Variants in UGGT1 observed in about 807,000 individuals in gnomAD.
UGGT1 encodes the protein UDP-glucose:glycoprotein glucosyltransferase 1.
UGGT1 carries 107 observed loss-of-function variants against 203.9 expected under a neutral mutation model. The observed-to-expected ratio is 0.52, with a 90% CI of 0.45 to 0.62. The LOEUF (loss-of-function observed/expected upper bound fraction) is 0.62. Among genes scored for constraint, UGGT1 ranks in the 20% least tolerant of loss-of-function variants. The pLI is 0.00. For missense variants in UGGT1, 1,673 were observed against 1,867.2 expected (o/e 0.90, Z 1.92); for synonymous variants, 628 against 653.5 (o/e 0.96, Z 0.59).
rs73957648 is a variant in UGGT1, at chr2:128,094,376, A to G, written c.58+2961A>G. Among the ~76,000 whole-genome samples the G allele has an allele frequency of 5.1e-3, 778 of 152,290 alleles. 11 individuals are homozygous for G. Among genetic ancestry groups the G allele is most frequent in the African/African-American group, 0.017 (688 of 41,556 alleles). The stretch of plus-strand genomic sequence containing the variant: ...ACGATGATGTACTATTCTGTAATTT[A>G]GAAGATAGTTTTTTCTTACGATAAA... On this transcript the variant is annotated intron_variant, in intron 1 of 40. Coordinates refer to ENST00000259253, the MANE Select transcript of UGGT1 (RefSeq NM_020120.4).
intron 14 of UGGT1, 120 bp from the exon 15 acceptor site, chr2:128,134,756 G>A (rs1689050871): frequency 2.6e-6 from 2 of 759,226 alleles, no homozygotes; most frequent in Non-Finnish European, 4.4e-6. Flanking sequence ...CATCTTTTAT[G>A]TGGTTCAAGC....
chr2:128,131,465 AC>A (rs1042272167), intron 13 of UGGT1, among the ~76,000 whole-genome samples: 12 of 151,804 alleles, frequency 7.9e-5, no homozygotes, highest in Non-Finnish European at 1.8e-4. Context: ...AGCCTCCTGA[AC>A]AATTGCTCTT....
At chr2:128,160,623 G>C (rs1449794979) in intron 24 of UGGT1, 32 bp downstream of exon 24, 9 of 1,593,236 alleles carry the variant, frequency 5.6e-6, no homozygotes, top group Non-Finnish European at 7.7e-6. Flanking sequence ...CTTCACATTA[G>C]ATCCGTGAAC....
At chr2:128,171,869 G>A (rs1691124159) in intron 28 of UGGT1, among the ~76,000 whole-genome samples, 1 of 152,098 alleles carries the variant, frequency 6.6e-6, no homozygotes, top group African/African-American at 2.4e-5. Context: ...ACATGTTAGA[G>A]GAAGCTTGCT....
intron 26 of UGGT1, among the ~76,000 whole-genome samples, chr2:128,169,563 ACT>A (rs1412983702): frequency 1.3e-5 from 2 of 152,234 alleles, no homozygotes; most frequent in African/African-American, 4.8e-5. Context: ...CACTTCCTTG[ACT>A]CTAAAGAAAT....
At chr2:128,094,291 A>AT (rs1286982940) in intron 1 of UGGT1, among the ~76,000 whole-genome samples, 4 of 152,064 alleles carry the variant, frequency 2.6e-5, no homozygotes, top group South Asian at 2.1e-4. Flanking sequence ...TTTGGGGAGA[A>AT]TTTTTTCTCT....
intron 27 of UGGT1, 151 bp from the exon 28 acceptor site, chr2:128,171,054 A>G (rs903968778): frequency 4.4e-6 from 3 of 682,246 alleles, no homozygotes; most frequent in Admixed American, 3.0e-5. Context: ...TAGATTGTGC[A>G]GTAGAGTTGT....
At position 128,153,076 on chromosome 2, in the gene UGGT1, A is replaced by T. The variant is rs141085974; in HGVS notation, c.2137+172A>T. ...TTGCACCTTTAGTTCATAATATGAG[A>T]TTCTAAATTCACAAGAGTTTCCTCC... is the stretch of plus-strand genomic sequence containing the variant. On this transcript the variant is annotated intron_variant, in intron 19 of 40. Transcript: ENST00000259253. Among the ~76,000 whole-genome samples, 6 of 151,430 alleles carry T rather than the reference A, an allele frequency of 4.0e-5. No individual in the cohort carries two copies. The East Asian group carries it at 1.2e-3, about 30-fold the overall frequency.
At chr2:128,092,237 C>CT (rs5834189) in intron 1 of UGGT1, among the ~76,000 whole-genome samples, 32 of 145,758 alleles carry the variant, frequency 2.2e-4, no homozygotes, top group African/African-American at 6.8e-4. Flanking sequence ...TTTCACTTTG[C>CT]TTTTTTTTTT....
intron 16 of UGGT1, among the ~76,000 whole-genome samples, chr2:128,139,487 A>C (rs1318938079): frequency 1.3e-5 from 2 of 152,210 alleles, no homozygotes; most frequent in Non-Finnish European, 2.9e-5. Flanking sequence ...AAGAAGATAG[A>C]GAGATGGTAC....
intron 22 of UGGT1, among the ~76,000 whole-genome samples, chr2:128,158,490 T>TC (rs1435819861): frequency 1.3e-5 from 2 of 152,250 alleles, no homozygotes; most frequent in Non-Finnish European, 2.9e-5. Context: ...GTGTTTGGTT[T>TC]CTTTACCCAA....
intron 29 of UGGT1, 87 bp from the exon 30 acceptor site, chr2:128,173,694 G>A (rs932050577): frequency 2.9e-5 from 42 of 1,439,212 alleles, no homozygotes; most frequent in Non-Finnish European, 3.8e-5. Flanking sequence ...AGTCCTTTTT[G>A]TCTGCTTCCT....
chr2:128,180,729 C>G (rs939390783), intron 35 of UGGT1, among the ~76,000 whole-genome samples, 161 bp from the exon 36 acceptor site: 2 of 152,166 alleles, frequency 1.3e-5, no homozygotes, highest in African/African-American at 4.8e-5. Context: ...TATATCTGTT[C>G]TTCTATGTAG....
intron 10 of UGGT1, 82 bp downstream of exon 10, chr2:128,121,380 T>A (rs1484777086): frequency 2.2e-6 from 2 of 919,714 alleles, no homozygotes; most frequent in Non-Finnish European, 3.2e-6. Flanking sequence ...AATAACAATA[T>A]GAAAATTCCT....
intron 27 of UGGT1, 53 bp from the exon 28 acceptor site, chr2:128,171,148 TAATA>T (rs1691077966): frequency 4.0e-6 from 6 of 1,503,780 alleles, no homozygotes; most frequent in Admixed American, 1.9e-5. Flanking sequence ...CAGTGTCAAA[TAATA>T]AATTTCTGAA....
chr2:128,185,206 T>G (rs937496639), intron 38 of UGGT1, among the ~76,000 whole-genome samples: 1 of 151,830 alleles, frequency 6.6e-6, no homozygotes, highest in African/African-American at 2.4e-5. Flanking sequence ...TCTCTTTTTT[T>G]TTTTTTTTTG....
chr2:128,120,360 C>A lies in UGGT1; in HGVS notation c.877C>A (p.Leu293Met). Residue 293 changes from leucine (L) to methionine (M), a missense_variant, in exon 9 of 41, where the codon CTG (leucine) becomes ATG (methionine). This residue lies in a region of UGGT1 where 1,073 missense variants were observed against 1,078.7 expected (regional missense o/e 0.99). Transcript: ENST00000259253. ...QGFLFGKLRD[L>M]HPDLEGQLKE... ...TGATTTTTATGTTTCTTTTAGAGAT[C>A]TGCACCCCGACCTGGAGGGACAGTT... is the stretch of plus-strand genomic sequence containing the variant. 1 of 1,613,128 alleles carries A rather than the reference C, an allele frequency of 6.2e-7. No homozygotes were observed. The highest frequency in any genetic ancestry group is 8.5e-7 in the Non-Finnish European group (1 of 1,179,760).
chr2:128,127,935 C>G (rs916945074), intron 12 of UGGT1, among the ~76,000 whole-genome samples: 1 of 151,958 alleles, frequency 6.6e-6, no homozygotes, highest in African/African-American at 2.4e-5. Context: ...TTAGCCATGC[C>G]TAGTAGTGTG....
chr2:128,116,357 G>C lies in UGGT1; in HGVS notation c.872+14G>C, dbSNP rs374321726. 24 of 1,558,506 alleles carry C rather than the reference G, an allele frequency of 1.5e-5. No homozygotes were observed. The highest frequency in any genetic ancestry group is 2.1e-5 in the Non-Finnish European group (24 of 1,132,282). ...TGGAAAATTAAGGTATGTATGTTCT[G>C]TGTATTTTGGGAAACGCCCTCATTT... On this transcript the variant is annotated intron_variant, in intron 8 of 40. Transcript: ENST00000259253.
Sources: gnomAD v4.1 joint callset for allele counts (sites outside exome capture counted in the v4.1 genomes callset) on GRCh38, gnomAD v4.1.1 for gene constraint, gnomAD v4.1.1 regional missense constraint, MANE v1.5 for transcripts, NCBI Gene and HGNC (gene_info 2026-07-23, HGNC 2026-07-21) for gene names.